Variants in KLF15 observed in about 807,000 individuals in gnomAD.
KLF15 encodes the protein KLF transcription factor 15.
A neutral mutation model predicts 24.6 loss-of-function variants in KLF15; 4 were observed. The ratio of observed to expected loss-of-function variants is 0.16; its 90% CI spans 0.08 to 0.37. The LOEUF is 0.37. Ranked by LOEUF, KLF15 falls within the 10% of genes least tolerant of loss-of-function variation. The pLI is 1.00. For synonymous variants in KLF15, 246 were observed against 236.3 expected (o/e 1.04, Z -0.37); for missense variants, 496 against 560.6 (o/e 0.88, Z 1.16).
chr3:126,316,483 C>T, the KLF15 span, among the ~76,000 whole-genome samples: 63 of 36,566 alleles, frequency 1.7e-3, 1 homozygote, highest in South Asian at 5.8e-3. Flanking sequence ...GAAGGGAGTC[C>T]ACAGGCCGGA....
intron 2 of KLF15, among the ~76,000 whole-genome samples, chr3:126,347,308 C>G (rs1397470202): frequency 6.6e-6 from 1 of 152,150 alleles, no homozygotes; most frequent in Non-Finnish European, 1.5e-5. Flanking sequence ...ACAACCTGCC[C>G]AACCATACTG....
At chr3:126,328,406 C>A in the KLF15 span, among the ~76,000 whole-genome samples, 17 of 152,138 alleles carry the variant, frequency 1.1e-4, no homozygotes, top group Admixed American at 1.1e-3. Context: ...GGGCCAGTAT[C>A]TTTTTCAAAT....
chr3:126,330,752 A>G, the KLF15 span, among the ~76,000 whole-genome samples: 1 of 152,124 alleles, frequency 6.6e-6, no homozygotes, highest in African/African-American at 2.4e-5. Flanking sequence ...TTGTGTGTTT[A>G]TGGTTGCTTC....
At chr3:126,350,304 G>C (rs1305438000) in intron 2 of KLF15, among the ~76,000 whole-genome samples, 1 of 152,240 alleles carries the variant, frequency 6.6e-6, no homozygotes, top group Non-Finnish European at 1.5e-5. Context: ...AAAGCTCAGA[G>C]AGGTGGGGAC....
At chr3:126,316,465 G>A in the KLF15 span, among the ~76,000 whole-genome samples, 9 of 150,620 alleles carry the variant, frequency 6.0e-5, no homozygotes, top group Admixed American at 2.6e-4. Context: ...TCTATGGGCC[G>A]GAGTGGGGAA....
At chr3:126,331,734 A>G in the KLF15 span, among the ~76,000 whole-genome samples, 1 of 152,190 alleles carries the variant, frequency 6.6e-6, no homozygotes, top group Admixed American at 6.5e-5. Flanking sequence ...GGAGTGCCAG[A>G]CAGTGGGCGC....
At chr3:126,327,545 G>A in the KLF15 span, among the ~76,000 whole-genome samples, 1 of 152,044 alleles carries the variant, frequency 6.6e-6, no homozygotes, top group African/African-American at 2.4e-5. Context: ...GTATTTTCAG[G>A]ACAAAGCAGA....
At chr3:126,351,383 A>C (rs899680504) in intron 2 of KLF15, among the ~76,000 whole-genome samples, 13 of 152,232 alleles carry the variant, frequency 8.5e-5, no homozygotes, top group African/African-American at 2.7e-4. Context: ...TTCAAATCCC[A>C]TTCACAAAGC....
At chr3:126,346,965 A>G (rs1348629728) in intron 2 of KLF15, among the ~76,000 whole-genome samples, 1 of 152,240 alleles carries the variant, frequency 6.6e-6, no homozygotes, top group Non-Finnish European at 1.5e-5. Flanking sequence ...CAAGGCAACC[A>G]GTAACGGTTT....
the KLF15 span, among the ~76,000 whole-genome samples, chr3:126,307,970 G>A: frequency 3.9e-5 from 6 of 152,144 alleles, no homozygotes; most frequent in African/African-American, 7.2e-5. Context: ...CCCGCAGCCC[G>A]GTGCTAAGCA....
At chr3:126,331,903 C>T in the KLF15 span, among the ~76,000 whole-genome samples, 1 of 152,250 alleles carries the variant, frequency 6.6e-6, no homozygotes, top group African/African-American at 2.4e-5. Flanking sequence ...TATCCCACAC[C>T]TGGCTCGGAG....
At chr3:126,316,798 G>A in the KLF15 span, among the ~76,000 whole-genome samples, 1 of 152,098 alleles carries the variant, frequency 6.6e-6, no homozygotes, top group Non-Finnish European at 1.5e-5. Context: ...GGGCAGCCCA[G>A]GGCCTGCCTG....
chr3:126,355,933 C>G (rs1560043127), intron 1 of KLF15, among the ~76,000 whole-genome samples: 1 of 152,220 alleles, frequency 6.6e-6, no homozygotes, highest in South Asian at 2.1e-4. Context: ...CCCTGAAACA[C>G]AGCAGCACGT....
the KLF15 span, among the ~76,000 whole-genome samples, chr3:126,322,568 T>C: frequency 6.6e-6 from 1 of 152,214 alleles, no homozygotes; most frequent in Non-Finnish European, 1.5e-5. Context: ...CTTAATCACA[T>C]CCACGAAGGA....
At chr3:126,290,425 G>C in the KLF15 span, among the ~76,000 whole-genome samples, 2 of 152,068 alleles carry the variant, frequency 1.3e-5, no homozygotes, top group Admixed American at 6.5e-5. Context: ...AGCACCCTGT[G>C]GTTCTTTCAA....
In KLF15 at chr3:126,343,262, C is replaced by T. The variant is rs1227099057; in HGVS notation, c.*465G>A. 5.8e-6 allele frequency: 1 copy of T among 172,826 alleles called. No homozygotes were observed. The highest frequency in any genetic ancestry group is 1.2e-5 in the Non-Finnish European group (1 of 82,844). The allele number at this position is 172,826 out of a possible 1,614,324, so 10.7% of individuals were successfully genotyped here. On this transcript the variant is annotated 3_prime_UTR_variant, in exon 3 of 3. Coordinates refer to ENST00000296233, the MANE Select transcript of KLF15 (RefSeq NM_014079.4). ...AAGCCACCCTCACACCACAGTGCAG[C>T]CCTGGACTTCTGGCCTACTTCCTTC...
Position 126,352,605 on chromosome 3 carries a change from C to G in KLF15, c.318G>C (p.Gly106=), listed in dbSNP as rs1248186960. ...IGASSGPVAW[G]PWRRAAAPVK... ...CAGGGGCCGCTGCCCTTCGCCAGGG[C>G]CCCCAGGCCACGGGGCCACTGCTGG... Residue 106 remains glycine (G), a synonymous_variant, in exon 2 of 3, where the codon GGG becomes GGC. Transcript: ENST00000296233. 7 of 1,610,078 alleles carry G rather than the reference C, an allele frequency of 4.3e-6. No homozygotes were observed. Among genetic ancestry groups the G allele is most frequent in the Middle Eastern group, 1.6e-4 (1 of 6,076 alleles).
intron 2 of KLF15, among the ~76,000 whole-genome samples, chr3:126,350,346 T>G (rs1576586535): frequency 6.6e-6 from 1 of 152,106 alleles, no homozygotes; most frequent in African/African-American, 2.4e-5. Context: ...GGCCCCAGGG[T>G]GGGCTCTCAC....
chr3:126,294,190 G>T, the KLF15 span, among the ~76,000 whole-genome samples: 3 of 152,152 alleles, frequency 2.0e-5, no homozygotes, highest in Non-Finnish European at 4.4e-5. Context: ...CCAGATCAGT[G>T]GGTGTGGGCT....
Sources: allele counts gnomAD v4.1 joint callset (sites outside exome capture counted in the v4.1 genomes callset), GRCh38; gene constraint gnomAD v4.1.1; transcripts MANE v1.5; gene names NCBI Gene and HGNC (gene_info 2026-07-23, HGNC 2026-07-21).